CSMD2: variants seen among roughly 807,000 people sequenced by gnomAD.
CSMD2 encodes CUB and Sushi multiple domains 2, also known as CUB and sushi domain-containing protein 2.
Under a neutral mutation model 398.5 loss-of-function variants are expected in CSMD2, and 130 were observed. That is an observed-to-expected ratio of 0.33 (90% CI 0.28 to 0.38). The LOEUF (loss-of-function observed/expected upper bound fraction) is 0.38, where lower values mean the gene tolerates loss of function less well. Among genes scored for constraint, CSMD2 ranks in the 10% least tolerant of loss-of-function variants. CSMD2 has a pLI of 1.00. For synonymous variants in CSMD2, 1,828 were observed against 1,908.5 expected, an observed-to-expected ratio of 0.96 and a Z score of 1.10; for missense variants, 3,829 against 4,764.9, an observed-to-expected ratio of 0.80 and a Z score of 5.78.
intron 29 of CSMD2, among the ~76,000 whole-genome samples, chr1:33,641,873 A>G (rs553845734): frequency 2.0e-5 from 3 of 152,232 alleles, no homozygotes; most frequent in Non-Finnish European, 2.9e-5. Context: ...AAGGTCTGGC[A>G]TATGGTAGCT....
chr1:33,689,920 G>T (rs1645179744), intron 25 of CSMD2, among the ~76,000 whole-genome samples: 1 of 152,170 alleles, frequency 6.6e-6, no homozygotes, highest in Non-Finnish European at 1.5e-5. Context: ...GTGTATTGTT[G>T]TCACAAACAG....
intron 1 of CSMD2, among the ~76,000 whole-genome samples, chr1:34,129,813 A>T (rs1252132011): frequency 6.6e-6 from 1 of 152,176 alleles, no homozygotes; most frequent in Non-Finnish European, 1.5e-5. Flanking sequence ...GCACTGCAGG[A>T]AGGAACAAGC....
chr1:33,806,985 A>C (rs971972116), intron 10 of CSMD2, among the ~76,000 whole-genome samples: 1 of 152,238 alleles, frequency 6.6e-6, no homozygotes, highest in African/African-American at 2.4e-5. Flanking sequence ...TGAAAGATAC[A>C]ATCCATAGAT....
chr1:34,075,296 G>A (rs1347696884), intron 2 of CSMD2, among the ~76,000 whole-genome samples: 2 of 152,230 alleles, frequency 1.3e-5, no homozygotes, highest in African/African-American at 4.8e-5. Flanking sequence ...CATTCCCAGA[G>A]GCATTCTGGA....
At chr1:34,011,125 C>T (rs74514006) in intron 3 of CSMD2, among the ~76,000 whole-genome samples, 1,925 of 152,230 alleles carry the variant, frequency 0.013, 20 homozygotes, top group Non-Finnish European at 0.021. Context: ...ACTGGTCTAG[C>T]CCCAAGCTGG....
At chr1:33,716,598 T>C in intron 19 of CSMD2, 97 bp from the exon 20 acceptor site, 1 of 825,606 alleles carries the variant, frequency 1.2e-6, no homozygotes, top group South Asian at 1.7e-5. Context: ...AGTTTGCAAA[T>C]GTCTATCTGT....
chr1:33,654,069 G>A (rs1643880953), intron 27 of CSMD2, among the ~76,000 whole-genome samples: 1 of 152,156 alleles, frequency 6.6e-6, no homozygotes, highest in African/African-American at 2.4e-5. Context: ...TAGGTCTTCA[G>A]GTCAGGCCAT....
chr1:33,688,379 T>C, intron 25 of CSMD2, among the ~76,000 whole-genome samples: 1 of 152,304 alleles, frequency 6.6e-6, no homozygotes, highest in African/African-American at 2.4e-5. Context: ...TATGTACATA[T>C]TGGCACACAA....
At chr1:33,783,732 G>A (rs1653137480) in intron 12 of CSMD2, among the ~76,000 whole-genome samples, 1 of 152,136 alleles carries the variant, frequency 6.6e-6, no homozygotes, top group African/African-American at 2.4e-5. Context: ...GGAAAGATGG[G>A]CCGGCCTTCT....
intron 1 of CSMD2, among the ~76,000 whole-genome samples, chr1:34,126,044 C>G (rs1558427341): frequency 6.6e-6 from 1 of 152,224 alleles, no homozygotes. Context: ...CACTGCAGGG[C>G]ATGGGAAGGC....
In CSMD2 at chr1:34,110,389, G is replaced by A. The variant is rs568347865; in HGVS notation, c.188-21196C>T. Among the ~76,000 whole-genome samples the A allele has an allele frequency of 7.8e-4, 118 of 151,998 alleles. 2 individuals are homozygous for A. Among genetic ancestry groups the A allele is most frequent in the South Asian group, 5.0e-3 (24 of 4,798 alleles). On this transcript the variant is annotated intron_variant, in intron 1 of 70. Coordinates refer to ENST00000373381, the MANE Select transcript of CSMD2 (RefSeq NM_001281956.2). ...AAATCATTCTACCATAAAGACACAC[G>A]TTTTTATGTTCATTGAAGCACTATT...
chr1:33,698,253 ATCAGT>A, intron 24 of CSMD2, among the ~76,000 whole-genome samples: 1 of 152,236 alleles, frequency 6.6e-6, no homozygotes, highest in East Asian at 1.9e-4. Context: ...TGCATTCTTT[ATCAGT>A]GAGAGCAATG....
intron 2 of CSMD2, among the ~76,000 whole-genome samples, chr1:34,037,207 C>A (rs1467450035): frequency 1.3e-5 from 2 of 152,314 alleles, no homozygotes; most frequent in South Asian, 4.2e-4. Flanking sequence ...ATCAGACTTA[C>A]ACTCAGTCTC....
At chr1:34,135,055 G>A (rs539688420) in intron 1 of CSMD2, among the ~76,000 whole-genome samples, 226 of 152,198 alleles carry the variant, frequency 1.5e-3, no homozygotes, top group Non-Finnish European at 2.6e-3. Context: ...AGAAACTCCT[G>A]GGCCAAGCAA....
chr1:33,616,558 AGATTT>A (rs1410396301), intron 39 of CSMD2, among the ~76,000 whole-genome samples: 4 of 152,146 alleles, frequency 2.6e-5, no homozygotes, highest in African/African-American at 9.7e-5. Flanking sequence ...TTTCTTTATT[AGATTT>A]GTCTGTCTGT....
At chr1:33,784,771 C>A (rs1653312086) in intron 12 of CSMD2, among the ~76,000 whole-genome samples, 1 of 152,112 alleles carries the variant, frequency 6.6e-6, no homozygotes, top group Non-Finnish European at 1.5e-5. Flanking sequence ...TTGGTGACAC[C>A]CCCAGGGAAG....
chr1:33,973,953 T>A (rs1185491120), intron 3 of CSMD2, among the ~76,000 whole-genome samples: 1 of 152,190 alleles, frequency 6.6e-6, no homozygotes, highest in African/African-American at 2.4e-5. Context: ...AACTGCCCTC[T>A]GCTCAGCCAC....
intron 37 of CSMD2, among the ~76,000 whole-genome samples, chr1:33,620,684 C>T (rs575180858): frequency 2.0e-4 from 31 of 151,994 alleles, no homozygotes; most frequent in Non-Finnish European, 2.8e-4. Context: ...GTGATTTAGT[C>T]GAGAAACCCA....
At chr1:33,989,013 CATATATATATAT>C (rs71029018) in intron 3 of CSMD2, among the ~76,000 whole-genome samples, 2,501 of 93,116 alleles carry the variant, frequency 0.027, 68 homozygotes, top group South Asian at 0.042. Flanking sequence ...TCTCTCTCTC[CATATATATATAT>C]ATATATATAT....
Sources: allele counts gnomAD v4.1 joint callset (sites outside exome capture counted in the v4.1 genomes callset), GRCh38; gene constraint gnomAD v4.1.1; transcripts MANE v1.5; gene names NCBI Gene and HGNC (gene_info 2026-07-23, HGNC 2026-07-21).